The following FHIT variants were observed in gnomAD, a reference collection of about 807,000 sequenced individuals.
FHIT encodes fragile histidine triad diadenosine triphosphatase, also known as bis(5'-adenosyl)-triphosphatase.
Under a neutral mutation model 17.9 loss-of-function variants are expected in FHIT, and 19 were observed. The ratio of observed to expected loss-of-function variants is 1.06; its 90% CI spans 0.74 to 1.56. The LOEUF is 1.56. FHIT is among the 40% of genes most tolerant of loss of function. The pLI is 0.00. For missense variants in FHIT, 248 were observed against 189.2 expected, an observed-to-expected ratio of 1.31 and a Z score of -1.82; for synonymous variants, 81 against 69.7, an observed-to-expected ratio of 1.16 and a Z score of -0.81.
intron 5 of FHIT, among the ~76,000 whole-genome samples, chr3:60,347,417 G>C (rs1256975264): frequency 6.6e-6 from 1 of 152,070 alleles, no homozygotes; most frequent in Non-Finnish European, 1.5e-5. Flanking sequence ...AGTAAGTTAA[G>C]AGACATGTTT....
chr3:60,815,427 A>G lies in FHIT; in HGVS notation c.-18+6492T>C, dbSNP rs545145623. 1.3e-4 allele frequency among the ~76,000 whole-genome samples: 20 copies of G among 152,304 alleles called. No homozygotes were observed. The East Asian group carries it at 3.7e-3, about 28-fold the overall frequency. Reference sequence around the variant, plus strand: ...GTTAGCTTTGTATATGGTGAAATGTAGGGGTCCAGTTTCATTCTTCTGTAT... The same window carrying G: ...GTTAGCTTTGTATATGGTGAAATGTGGGGGTCCAGTTTCATTCTTCTGTAT... On this transcript the variant is annotated intron_variant, in intron 4 of 9. Transcript: ENST00000492590.
intron 4 of FHIT, among the ~76,000 whole-genome samples, chr3:60,605,691 T>C (rs17669863): frequency 0.088 from 13,424 of 152,224 alleles, 801 homozygotes; most frequent in Admixed American, 0.13. Flanking sequence ...ACAACTAACA[T>C]CATATACTAT....
chr3:60,532,210 T>A (rs1338826486), intron 5 of FHIT, among the ~76,000 whole-genome samples: 1 of 152,206 alleles, frequency 6.6e-6, no homozygotes. Context: ...TCCACAAATG[T>A]TGCTGTGTCT....
At chr3:60,068,209 T>C (rs1280656958) in intron 5 of FHIT, among the ~76,000 whole-genome samples, 1 of 152,140 alleles carries the variant, frequency 6.6e-6, no homozygotes, top group Admixed American at 6.5e-5. Flanking sequence ...CACTCCAGCC[T>C]GGGCAACAGA....
chr3:60,296,223 G>C (rs1173001214), intron 5 of FHIT, among the ~76,000 whole-genome samples: 1 of 151,974 alleles, frequency 6.6e-6, no homozygotes, highest in Non-Finnish European at 1.5e-5. Context: ...GGGGAAGGGG[G>C]GAAGGAGGAG....
intron 2 of FHIT, among the ~76,000 whole-genome samples, chr3:61,067,985 C>T (rs960776767): frequency 6.6e-6 from 1 of 152,184 alleles, no homozygotes; most frequent in Admixed American, 6.5e-5. Context: ...AACTTCAGCA[C>T]ATCAGAATCA....
chr3:59,955,669 C>T (rs1290302338), intron 7 of FHIT, among the ~76,000 whole-genome samples: 1 of 152,182 alleles, frequency 6.6e-6, no homozygotes, highest in East Asian at 1.9e-4. Flanking sequence ...TTTTCCTCAC[C>T]TGCTTAAATG....
At chr3:60,361,827 C>G (rs542452453) in intron 5 of FHIT, among the ~76,000 whole-genome samples, 1 of 152,160 alleles carries the variant, frequency 6.6e-6, no homozygotes, top group Non-Finnish European at 1.5e-5. Flanking sequence ...GAGGATAAAT[C>G]TTTTTGAGGG....
chr3:60,079,400 C>T (rs1703176575), intron 5 of FHIT, among the ~76,000 whole-genome samples: 1 of 151,998 alleles, frequency 6.6e-6, no homozygotes, highest in Non-Finnish European at 1.5e-5. Flanking sequence ...TGGGTGGGGG[C>T]TTCTTGAGAA....
In FHIT at chr3:60,760,065, C is replaced by T. The variant is rs1348321616; in HGVS notation, c.-18+61854G>A. 6.6e-5 allele frequency among the ~76,000 whole-genome samples: 10 copies of T among 151,652 alleles called. No homozygotes were observed. The South Asian group carries it at 2.1e-3, about 32-fold the overall frequency. ...TTTCTTTATCTCTTTCTCTTTCTTT[C>T]CATTTCTCTCTTTCCTTCCTTTGTT... is the stretch of plus-strand genomic sequence containing the variant. On this transcript the variant is annotated intron_variant, in intron 4 of 9. Coordinates refer to ENST00000492590, the MANE Select transcript of FHIT (RefSeq NM_002012.4).
At chr3:60,844,791 A>G (rs1394394001) in intron 3 of FHIT, among the ~76,000 whole-genome samples, 3 of 152,154 alleles carry the variant, frequency 2.0e-5, no homozygotes, top group Non-Finnish European at 4.4e-5. Context: ...AATATGAAGT[A>G]AAGAAAATGT....
chr3:60,027,079 A>G (rs1700768828), intron 5 of FHIT, among the ~76,000 whole-genome samples: 1 of 150,298 alleles, frequency 6.7e-6, no homozygotes, highest in African/African-American at 2.5e-5. Flanking sequence ...AGCCTGGGTG[A>G]CAGAGTGAGT....
At chr3:61,179,464 C>A (rs2038263529) in intron 2 of FHIT, among the ~76,000 whole-genome samples, 2 of 152,018 alleles carry the variant, frequency 1.3e-5, no homozygotes, top group Admixed American at 6.5e-5. Context: ...AATCCCAACA[C>A]TTTGGTGGCT....
At chr3:61,004,737 A>C (rs1291530028) in intron 3 of FHIT, among the ~76,000 whole-genome samples, 2 of 152,042 alleles carry the variant, frequency 1.3e-5, no homozygotes, top group Non-Finnish European at 2.9e-5. Context: ...AGGCAAAAAA[A>C]CCCACTGATG....
intron 4 of FHIT, among the ~76,000 whole-genome samples, chr3:60,777,810 A>G (rs1468813722): frequency 6.6e-6 from 1 of 152,196 alleles, no homozygotes; most frequent in East Asian, 1.9e-4. Context: ...ATGGTTTGTA[A>G]GCCATGACTC....
At chr3:60,649,707 G>A (rs1040607437) in intron 4 of FHIT, among the ~76,000 whole-genome samples, 8 of 151,998 alleles carry the variant, frequency 5.3e-5, no homozygotes, top group African/African-American at 1.9e-4. Flanking sequence ...TGCTGTTGTA[G>A]GATAACTGAT....
At chr3:60,140,596 G>A (rs1016976290) in intron 5 of FHIT, among the ~76,000 whole-genome samples, 1 of 89,980 alleles carries the variant, frequency 1.1e-5, no homozygotes, top group Non-Finnish European at 2.2e-5. Flanking sequence ...TTTTTTTTTT[G>A]AGACAGAGTT....
chr3:60,829,494 T>C (rs184075061), intron 3 of FHIT, among the ~76,000 whole-genome samples: 2 of 152,344 alleles, frequency 1.3e-5, no homozygotes, highest in Admixed American at 6.5e-5. Context: ...CTATTATTTG[T>C]AGACTACCTT....
At chr3:60,143,718 T>A (rs1267892753) in intron 5 of FHIT, among the ~76,000 whole-genome samples, 1 of 143,498 alleles carries the variant, frequency 7.0e-6, no homozygotes, top group Non-Finnish European at 1.6e-5. Context: ...TGGCTTACCA[T>A]AACCTATCTT....
Sources: allele counts gnomAD v4.1 joint callset (sites outside exome capture counted in the v4.1 genomes callset), GRCh38; gene constraint gnomAD v4.1.1; transcripts MANE v1.5; gene names NCBI Gene and HGNC (gene_info 2026-07-23, HGNC 2026-07-21).